Variants in DYNC1LI1 observed in about 807,000 individuals in gnomAD.
DYNC1LI1 encodes dynein cytoplasmic 1 light intermediate chain 1, also known as cytoplasmic dynein 1 light intermediate chain 1.
Under a neutral mutation model 63.8 loss-of-function variants are expected in DYNC1LI1, and 19 were observed. The observed-to-expected ratio is 0.30, with a 90% CI of 0.21 to 0.44. The LOEUF is 0.44. Among genes scored for constraint, DYNC1LI1 ranks in the 20% least tolerant of loss-of-function variants. The probability of loss-of-function intolerance (pLI) is 1.00; values close to 1 mark genes in which losing one functional copy is unlikely to be tolerated. For synonymous variants in DYNC1LI1, 225 were observed against 232.3 expected (o/e 0.97, Z 0.28); for missense variants, 565 against 630.2 (o/e 0.90, Z 1.11).
At chr3:32,543,521 C>A (rs1403035733) in intron 4 of DYNC1LI1, among the ~76,000 whole-genome samples, 1 of 150,782 alleles carries the variant, frequency 6.6e-6, no homozygotes, top group East Asian at 2.0e-4. Flanking sequence ...GCCTCAGCCT[C>A]CCAAGTAGGT....
intron 2 of DYNC1LI1, among the ~76,000 whole-genome samples, chr3:32,558,643 C>T (rs932291097): frequency 5.3e-5 from 8 of 152,048 alleles, no homozygotes; most frequent in Admixed American, 3.3e-4. Context: ...GTTGGGAGTT[C>T]GAGATCAGCC....
chr3:32,553,250 G>A (rs1189814090), intron 2 of DYNC1LI1, among the ~76,000 whole-genome samples: 1 of 152,120 alleles, frequency 6.6e-6, no homozygotes, highest in Non-Finnish European at 1.5e-5. Flanking sequence ...TGGGAGGACA[G>A]CTCAGGCATG....
intron 2 of DYNC1LI1, among the ~76,000 whole-genome samples, chr3:32,559,241 T>C (rs1390680087): frequency 1.3e-5 from 2 of 151,828 alleles, no homozygotes; most frequent in African/African-American, 2.4e-5. Flanking sequence ...CATATATATA[T>C]AGTTTTTGTG....
At chr3:32,561,967 C>G (rs1026153293) in intron 2 of DYNC1LI1, among the ~76,000 whole-genome samples, 13 of 151,848 alleles carry the variant, frequency 8.6e-5, no homozygotes, top group Non-Finnish European at 1.8e-4. Context: ...AAAAAATATT[C>G]ACATAGAGAA....
chr3:32,532,792 T>C, intron 8 of DYNC1LI1, 194 bp downstream of exon 8: 3 of 954,346 alleles, frequency 3.1e-6, no homozygotes, highest in Non-Finnish European at 4.2e-6. Context: ...TTTAATTAGC[T>C]GAATAGCTGA....
chr3:32,533,196 T>A, intron 7 of DYNC1LI1, 99 bp from the exon 8 acceptor site: 1 of 1,408,604 alleles, frequency 7.1e-7, no homozygotes, highest in East Asian at 2.9e-5. Flanking sequence ...TGAAGTCAAT[T>A]TGAACAATTA....
At chr3:32,538,347 AATT>A (rs2125434334) in intron 5 of DYNC1LI1, among the ~76,000 whole-genome samples, 1 of 151,662 alleles carries the variant, frequency 6.6e-6, no homozygotes, top group East Asian at 1.9e-4. Flanking sequence ...GATTAAAAAT[AATT>A]ATTATACTTT....
chr3:32,554,863 ATTTTTT>A (rs11434502), intron 2 of DYNC1LI1, among the ~76,000 whole-genome samples: 32 of 104,728 alleles, frequency 3.1e-4, no homozygotes, highest in African/African-American at 1.1e-3. Context: ...AAATTTTTGA[ATTTTTT>A]TTTTTTTTTT....
intron 2 of DYNC1LI1, among the ~76,000 whole-genome samples, chr3:32,548,408 GA>G (rs1697987528): frequency 6.6e-6 from 1 of 152,150 alleles, no homozygotes; most frequent in South Asian, 2.1e-4. Context: ...CCAGTCCATG[GA>G]AAAACTGTCT....
chr3:32,546,004 A>C, intron 2 of DYNC1LI1, 39 bp from the exon 3 acceptor site: 1 of 1,367,144 alleles, frequency 7.3e-7, no homozygotes. Context: ...ATAAATTATA[A>C]CACCGATTAT....
chr3:32,541,220 T>C lies in DYNC1LI1; in HGVS notation c.569-14A>G. 10 of 1,542,092 alleles carry C rather than the reference T, an allele frequency of 6.5e-6. No homozygotes were observed. Among genetic ancestry groups the C allele is most frequent in the Non-Finnish European group, 8.8e-6 (10 of 1,140,054 alleles). On this transcript the variant is annotated splice_polypyrimidine_tract_variant and intron_variant, in intron 4 of 12. Coordinates refer to ENST00000273130, the MANE Select transcript of DYNC1LI1 (RefSeq NM_016141.4). ...AGTCTCTAATCACTGAAAATCAAAG[T>C]AAACACAATTTAGAAATTGCTTCAT...
At chr3:32,547,906 T>C (rs1304987814) in intron 2 of DYNC1LI1, among the ~76,000 whole-genome samples, 4 of 152,136 alleles carry the variant, frequency 2.6e-5, no homozygotes, top group Admixed American at 2.0e-4. Context: ...ATCTGGTACG[T>C]GTATGTGTGT....
intron 5 of DYNC1LI1, among the ~76,000 whole-genome samples, chr3:32,537,842 G>A (rs1697794959): frequency 8.7e-6 from 1 of 114,964 alleles, no homozygotes; most frequent in Non-Finnish European, 1.7e-5. Flanking sequence ...ATTAGTTTGG[G>A]GTTAAATCTG....
intron 4 of DYNC1LI1, among the ~76,000 whole-genome samples, chr3:32,541,982 C>T (rs148335329): frequency 6.6e-6 from 1 of 152,040 alleles, no homozygotes; most frequent in South Asian, 2.1e-4. Flanking sequence ...AAATTATACA[C>T]AACCATAAGA....
chr3:32,542,928 G>T (rs4955299), intron 4 of DYNC1LI1, among the ~76,000 whole-genome samples: 17,288 of 152,194 alleles, frequency 0.11, 1,029 homozygotes, highest in East Asian at 0.24. Flanking sequence ...ACCCTTAGCA[G>T]CCCTGGTGAC....
chr3:32,570,330 G>A lies in DYNC1LI1; in HGVS notation c.220+16C>T. On this transcript the variant is annotated intron_variant, in intron 2 of 12. Coordinates refer to ENST00000273130, the MANE Select transcript of DYNC1LI1 (RefSeq NM_016141.4). Reference sequence around the variant, plus strand: ...CTGGGGGCCGGGCGGGGCGGGGCGAGGCAGGGAACACTTACCCAGCAGTAG... The same window carrying A: ...CTGGGGGCCGGGCGGGGCGGGGCGAAGCAGGGAACACTTACCCAGCAGTAG... 1.3e-6 allele frequency: 2 copies of A among 1,584,182 alleles called. No homozygotes were observed.
At chr3:32,537,976 AT>A (rs1697810696) in intron 5 of DYNC1LI1, among the ~76,000 whole-genome samples, 1 of 43,368 alleles carries the variant, frequency 2.3e-5, no homozygotes, top group Non-Finnish European at 4.0e-5. Flanking sequence ...ATATATATTT[AT>A]ATATAATATA....
intron 3 of DYNC1LI1, 173 bp downstream of exon 3, chr3:32,545,676 G>A (rs1361610571): frequency 3.2e-6 from 2 of 622,840 alleles, no homozygotes; most frequent in African/African-American, 1.9e-5. Context: ...TATCATATAT[G>A]AATCCCAATC....
intron 2 of DYNC1LI1, among the ~76,000 whole-genome samples, chr3:32,556,696 C>G (rs1698119124): frequency 6.6e-6 from 1 of 152,126 alleles, no homozygotes; most frequent in Non-Finnish European, 1.5e-5. Context: ...GGTGTGCCAC[C>G]ATGCCTGGCT....
Sources: gnomAD v4.1 joint callset for allele counts (sites outside exome capture counted in the v4.1 genomes callset) on GRCh38, gnomAD v4.1.1 for gene constraint, MANE v1.5 for transcripts, NCBI Gene and HGNC (gene_info 2026-07-23, HGNC 2026-07-21) for gene names.